The following NUDT4 variants were observed in gnomAD, a reference collection of about 807,000 sequenced individuals.
NUDT4 encodes diphosphoinositol polyphosphate phosphohydrolase 2.
NUDT4 carries 5 observed loss-of-function variants against 23.1 expected under a neutral mutation model. The ratio of observed to expected loss-of-function variants is 0.22; its 90% CI spans 0.11 to 0.46. The LOEUF (loss-of-function observed/expected upper bound fraction) is 0.46, where lower values mean the gene tolerates loss of function less well. Among genes scored for constraint, NUDT4 ranks in the 20% least tolerant of loss-of-function variants. The probability of loss-of-function intolerance (pLI) is 0.99; values close to 1 mark genes in which losing one functional copy is unlikely to be tolerated. For missense variants in NUDT4, 96 were observed against 211.6 expected, an observed-to-expected ratio of 0.45 and a Z score of 3.39; for synonymous variants, 50 against 79.0, an observed-to-expected ratio of 0.63 and a Z score of 1.95.
At position 93,407,714 on chromosome 12, in the gene NUDT4, G is replaced by C. The variant is rs948677931; in HGVS notation, c.*8335G>C. The C allele has an allele frequency of 1.3e-5, 2 of 152,216 alleles. No homozygotes were observed. Among genetic ancestry groups the C allele is most frequent in the Non-Finnish European group, 2.9e-5 (2 of 68,034 alleles). 9.4% of individuals were successfully genotyped at this position (152,216 alleles called of 1,614,324 possible). On this transcript the variant is annotated 3_prime_UTR_variant, in exon 5 of 5. Transcript: ENST00000415493. ...AAAATGTTGGCATCAAATTCAGAAT[G>C]TTTTAACCAGCCACACTGTGTGGGC...
Position 93,405,789 on chromosome 12 carries a change from T to C in NUDT4, c.*6410T>C, listed in dbSNP as rs1877777634. The C allele has an allele frequency of 1.3e-5, 2 of 152,176 alleles. No homozygotes were observed. Among genetic ancestry groups the C allele is most frequent in the Admixed American group, 1.3e-4 (2 of 15,282 alleles). The allele number at this position is 152,176 out of a possible 1,614,324, so 9.4% of individuals were successfully genotyped here. On this transcript the variant is annotated 3_prime_UTR_variant, in exon 5 of 5. Coordinates refer to ENST00000415493, the MANE Select transcript of NUDT4 (RefSeq NM_019094.6). ...TTTAAAGTATAAACCCTCATATAAT[T>C]CCCTAAGATGGGTGGCATGCCAAGT...
At chr12:93,395,075 C>T (rs917830528) in intron 2 of NUDT4, among the ~76,000 whole-genome samples, 1 of 152,146 alleles carries the variant, frequency 6.6e-6, no homozygotes, top group African/African-American at 2.4e-5. Flanking sequence ...TCTCAAACCC[C>T]TGACCTCAGG....
At position 93,378,756 on chromosome 12, in the gene NUDT4, C is replaced by T. The variant is rs761042689; in HGVS notation, c.99+335C>T. On this transcript the variant is annotated intron_variant, in intron 1 of 4. Coordinates refer to ENST00000415493, the MANE Select transcript of NUDT4 (RefSeq NM_019094.6). ...CGAATTGAGTTGAAAGCCGGATAAA[C>T]CTCGAGTGCTCAGCGAGAGGAGGGT... The T allele has an allele frequency of 1.6e-5, 17 of 1,041,204 alleles. No individual in the cohort carries two copies. The South Asian group carries it at 4.9e-4, about 30-fold the overall frequency. The allele number at this position is 1,041,204 out of a possible 1,614,324, so 64.5% of individuals were successfully genotyped here. A position where few individuals can be genotyped will look rare whatever the true frequency, so the allele number is the denominator to read the frequency against.
intron 1 of NUDT4, 38 bp from the exon 2 acceptor site, chr12:93,394,571 C>G: frequency 8.4e-7 from 1 of 1,196,096 alleles, no homozygotes; most frequent in Non-Finnish European, 1.2e-6. Flanking sequence ...CGAAGTGCTT[C>G]TCAGGCTGGA....
intron 1 of NUDT4, among the ~76,000 whole-genome samples, chr12:93,392,438 G>T (rs1876611699): frequency 6.6e-6 from 1 of 150,478 alleles, no homozygotes; most frequent in Non-Finnish European, 1.5e-5. Context: ...TGTATTTTTA[G>T]TAGAGATGGG....
chr12:93,382,162 GCTGAGGCATGAGAATC>G (rs573671416), intron 1 of NUDT4, among the ~76,000 whole-genome samples: 32 of 151,950 alleles, frequency 2.1e-4, no homozygotes, highest in African/African-American at 7.2e-4. Context: ...TACTCAGGAG[GCTGAGGCATGAGAATC>G]CCTTGAACCT....
At chr12:93,379,953 T>C (rs1875541322) in intron 1 of NUDT4, among the ~76,000 whole-genome samples, 1 of 152,368 alleles carries the variant, frequency 6.6e-6, no homozygotes, top group East Asian at 1.9e-4. Flanking sequence ...GTGCTTACAA[T>C]GTGCCAGGCG....
chr12:93,396,997 A>G (rs931884184), intron 3 of NUDT4, among the ~76,000 whole-genome samples: 1 of 152,254 alleles, frequency 6.6e-6, no homozygotes, highest in African/African-American at 2.4e-5. Context: ...TACAAATAAC[A>G]CATTTGTCAA....
At chr12:93,386,117 A>G (rs928117158) in intron 1 of NUDT4, among the ~76,000 whole-genome samples, 4 of 151,716 alleles carry the variant, frequency 2.6e-5, no homozygotes, top group Non-Finnish European at 1.5e-5. Flanking sequence ...CTTGGACTAC[A>G]GGTACATGCC....
At chr12:93,387,263 CGT>C (rs1876174894) in intron 1 of NUDT4, among the ~76,000 whole-genome samples, 2 of 152,232 alleles carry the variant, frequency 1.3e-5, no homozygotes, top group South Asian at 4.1e-4. Flanking sequence ...CTTTACAAAA[CGT>C]GTTTTTTCAA....
At chr12:93,398,361 AAAAGAACAT>A (rs1215711368) in intron 3 of NUDT4, among the ~76,000 whole-genome samples, 1 of 136,808 alleles carries the variant, frequency 7.3e-6, no homozygotes, top group African/African-American at 3.3e-5. Context: ...AAAAAAAAAG[AAAAGAACAT>A]CAGATATATA....
At position 93,405,988 on chromosome 12, in the gene NUDT4, C is replaced by A. The variant is rs891122882; in HGVS notation, c.*6609C>A. ...AACTAACAAAAAAGATGTGGCAGGG[C>A]TGGGCACGGTGGCTCACGCCTGTAA... On this transcript the variant is annotated 3_prime_UTR_variant, in exon 5 of 5. Transcript: ENST00000415493. 2.0e-5 allele frequency: 3 copies of A among 152,232 alleles called. No individual in the cohort carries two copies. In the South Asian group the frequency reaches 6.2e-4, roughly 32 times the overall value. The allele number at this position is 152,232 out of a possible 1,614,324, so 9.4% of individuals were successfully genotyped here.
At chr12:93,392,515 C>A (rs1026969505) in intron 1 of NUDT4, among the ~76,000 whole-genome samples, 2 of 151,456 alleles carry the variant, frequency 1.3e-5, no homozygotes, top group Admixed American at 1.3e-4. Flanking sequence ...CCTCAGCCTC[C>A]CAAAGTGCTA....
At position 93,400,593 on chromosome 12, in the gene NUDT4, A is replaced by G. The variant is rs1877313889; in HGVS notation, c.*1214A>G. 1 of 152,024 alleles carries G rather than the reference A, an allele frequency of 6.6e-6. No individual in the cohort carries two copies. The highest frequency in any genetic ancestry group is 2.4e-5 in the African/African-American group (1 of 41,472). The allele number at this position is 152,024 out of a possible 1,614,324, so 9.4% of individuals were successfully genotyped here. A position where few individuals can be genotyped will look rare whatever the true frequency, so the allele number is the denominator to read the frequency against. Reference sequence around the variant, plus strand: ...AATGAGGTGGGAGAAGTTTGACTAAAATGAGGGATGGGGGAAAGTAAAAGA... The same window carrying G: ...AATGAGGTGGGAGAAGTTTGACTAAGATGAGGGATGGGGGAAAGTAAAAGA... On this transcript the variant is annotated 3_prime_UTR_variant, in exon 5 of 5. Transcript: ENST00000415493.
In NUDT4 at chr12:93,390,726, C is replaced by G. The variant is rs79269983; in HGVS notation, c.100-3883C>G. ...CTCAGGTGATCCCTTCCACCACAGCCTCCTGAGTAGCTGGTATTATGGGCA... is the reference window on the plus strand; with the variant it reads ...CTCAGGTGATCCCTTCCACCACAGCGTCCTGAGTAGCTGGTATTATGGGCA... On this transcript the variant is annotated intron_variant, in intron 1 of 4. Coordinates refer to ENST00000415493, the MANE Select transcript of NUDT4 (RefSeq NM_019094.6). Among the ~76,000 whole-genome samples the G allele has an allele frequency of 6.3e-3, 960 of 152,184 alleles. 16 individuals carry two copies. Among genetic ancestry groups the G allele is most frequent in the African/African-American group, 0.022 (903 of 41,490 alleles).
At chr12:93,385,944 TATATA>T (rs1565777315) in intron 1 of NUDT4, among the ~76,000 whole-genome samples, 500 of 45,080 alleles carry the variant, frequency 0.011, 6 homozygotes, top group African/African-American at 0.035. Context: ...AATCTTTTTA[TATATA>T]TATATATATA....
Position 93,407,159 on chromosome 12 carries a change from T to C in NUDT4, c.*7780T>C, listed in dbSNP as rs1195615848. The C allele has an allele frequency of 6.6e-6, 1 of 152,478 alleles. No homozygotes were observed. Among genetic ancestry groups the C allele is most frequent in the African/African-American group, 2.4e-5 (1 of 41,454 alleles). 9.4% of individuals were successfully genotyped at this position (152,478 alleles called of 1,614,324 possible). A position where few individuals can be genotyped will look rare whatever the true frequency, so the allele number is the denominator to read the frequency against. On this transcript the variant is annotated 3_prime_UTR_variant, in exon 5 of 5. Coordinates refer to ENST00000415493, the MANE Select transcript of NUDT4 (RefSeq NM_019094.6). Reference sequence around the variant, plus strand: ...CACTGTGCCCGGCCTGGGCAGTCGATTTTCAGGAAGCCACTTAATGTTCAG... The same window carrying C: ...CACTGTGCCCGGCCTGGGCAGTCGACTTTCAGGAAGCCACTTAATGTTCAG...
chr12:93,383,486 A>G (rs542279944), intron 1 of NUDT4, among the ~76,000 whole-genome samples: 6 of 152,354 alleles, frequency 3.9e-5, no homozygotes, highest in Admixed American at 3.3e-4. Flanking sequence ...TCAACCATTC[A>G]TGATACCCTG....
rs1877590413 is a variant in NUDT4 at position 93,403,097 on chromosome 12, G to C, written c.*3718G>C. 1 of 150,426 alleles carries C rather than the reference G, an allele frequency of 6.6e-6. No homozygotes were observed. Among genetic ancestry groups the C allele is most frequent in the South Asian group, 2.1e-4 (1 of 4,736 alleles). The allele number at this position is 150,426 out of a possible 1,614,324, so 9.3% of individuals were successfully genotyped here. On this transcript the variant is annotated 3_prime_UTR_variant, in exon 5 of 5. Coordinates refer to ENST00000415493, the MANE Select transcript of NUDT4 (RefSeq NM_019094.6). The stretch of plus-strand genomic sequence containing the variant: ...TGCCCAGGCTGGTCTCAAACTCCTA[G>C]GCTTAAGCAGTCCTCCAGCCTCAGC...
Sources: allele counts gnomAD v4.1 joint callset (sites outside exome capture counted in the v4.1 genomes callset), GRCh38; gene constraint gnomAD v4.1.1; transcripts MANE v1.5; gene names NCBI Gene and HGNC (gene_info 2026-07-23, HGNC 2026-07-21).